CSMD1: variants seen among roughly 807,000 people sequenced by gnomAD.
CSMD1 encodes CUB and sushi domain-containing protein 1.
CSMD1 carries 213 observed loss-of-function variants against 417.5 expected under a neutral mutation model. The ratio of observed to expected loss-of-function variants is 0.51; its 90% CI spans 0.46 to 0.57. The LOEUF (loss-of-function observed/expected upper bound fraction) is 0.57. CSMD1 is among the 20% of genes least tolerant of loss of function. CSMD1 has a pLI of 0.00. For missense variants in CSMD1, 6,923 were observed against 4,529.7 expected (o/e 1.53, Z -15.17); for synonymous variants, 2,862 against 1,736.8 (o/e 1.65, Z -16.11).
intron 3 of CSMD1, among the ~76,000 whole-genome samples, chr8:4,301,000 G>C (rs543289305): frequency 6.6e-6 from 1 of 152,138 alleles, no homozygotes; most frequent in Non-Finnish European, 1.5e-5. Flanking sequence ...ACATAAGTGT[G>C]CATGTGTCTT....
chr8:4,075,460 C>G (rs1409792415), intron 3 of CSMD1, among the ~76,000 whole-genome samples: 1 of 151,906 alleles, frequency 6.6e-6, no homozygotes, highest in Non-Finnish European at 1.5e-5. Flanking sequence ...TGTTTTCTGT[C>G]CAAATCTCTT....
intron 12 of CSMD1, among the ~76,000 whole-genome samples, chr8:3,440,800 A>C (rs538872762): frequency 2.6e-5 from 4 of 152,204 alleles, no homozygotes; most frequent in Non-Finnish European, 4.4e-5. Context: ...TTGTTTTGTA[A>C]GTGCTCTTTA....
intron 23 of CSMD1, among the ~76,000 whole-genome samples, chr8:3,320,845 T>C (rs1019014836): frequency 6.6e-6 from 1 of 152,194 alleles, no homozygotes; most frequent in Non-Finnish European, 1.5e-5. Flanking sequence ...ATCCTGCCTA[T>C]GGGGATACAA....
chr8:4,085,617 C>A (rs2552152), intron 3 of CSMD1, among the ~76,000 whole-genome samples: 17,527 of 152,084 alleles, frequency 0.12, 1,122 homozygotes, highest in African/African-American at 0.14. Context: ...GGGAACCTCA[C>A]GGGAACTGTG....
chr8:3,060,565 G>A (rs74320020), intron 49 of CSMD1, among the ~76,000 whole-genome samples: 10 of 152,182 alleles, frequency 6.6e-5, no homozygotes, highest in African/African-American at 1.9e-4. Context: ...TCACAGGCAT[G>A]ATTGTTGTAA....
At chr8:3,025,191 G>C (rs1041628838) in intron 51 of CSMD1, among the ~76,000 whole-genome samples, 7 of 149,720 alleles carry the variant, frequency 4.7e-5, no homozygotes, top group Non-Finnish European at 8.9e-5. Flanking sequence ...ACCGTGTATT[G>C]TGTGGTGTTA....
intron 2 of CSMD1, among the ~76,000 whole-genome samples, chr8:4,441,373 A>C (rs76937028): frequency 5.3e-5 from 8 of 149,654 alleles, no homozygotes; most frequent in Non-Finnish European, 8.9e-5. Flanking sequence ...TGAGCCTCCT[A>C]AAGTGCTGTA....
At chr8:4,119,235 T>G (rs1802339799) in intron 3 of CSMD1, among the ~76,000 whole-genome samples, 2 of 152,052 alleles carry the variant, frequency 1.3e-5, no homozygotes, top group Admixed American at 6.6e-5. Flanking sequence ...TCTGCACATG[T>G]GTCCTAGAAC....
intron 1 of CSMD1, among the ~76,000 whole-genome samples, chr8:4,933,705 G>A (rs774532322): frequency 2.0e-5 from 3 of 152,178 alleles, no homozygotes; most frequent in Non-Finnish European, 4.4e-5. Flanking sequence ...ATGGATGGAA[G>A]AATGGATGAA....
intron 23 of CSMD1, among the ~76,000 whole-genome samples, chr8:3,341,616 G>A (rs571849771): frequency 8.7e-4 from 133 of 152,292 alleles, no homozygotes; most frequent in African/African-American, 3.1e-3. Context: ...GGTCCCAGGA[G>A]AGAGGGAGGA....
chr8:3,887,755 A>ATATC (rs1427494954), intron 5 of CSMD1, among the ~76,000 whole-genome samples: 1 of 152,218 alleles, frequency 6.6e-6, no homozygotes, highest in Admixed American at 6.5e-5. Flanking sequence ...GATTACTGTA[A>ATATC]TATCTCCCTA....
At chr8:3,653,124 G>A (rs113317125) in intron 7 of CSMD1, among the ~76,000 whole-genome samples, 1,916 of 151,938 alleles carry the variant, frequency 0.013, 27 homozygotes, top group African/African-American at 0.034. Context: ...TTTATTAATT[G>A]AAAGCCCTAT....
At chr8:3,326,192 A>G (rs1288443014) in intron 23 of CSMD1, among the ~76,000 whole-genome samples, 1 of 152,218 alleles carries the variant, frequency 6.6e-6, no homozygotes, top group Non-Finnish European at 1.5e-5. Context: ...TCGCGATGAT[A>G]TACATGTTGG....
At chr8:2,991,284 G>A (rs1402541539) in intron 54 of CSMD1, among the ~76,000 whole-genome samples, 3 of 152,084 alleles carry the variant, frequency 2.0e-5, no homozygotes, top group Non-Finnish European at 2.9e-5. Flanking sequence ...AGAGCTTTTA[G>A]GTTATATACA....
intron 3 of CSMD1, among the ~76,000 whole-genome samples, chr8:4,344,485 C>G (rs1160525857): frequency 2.6e-5 from 4 of 151,684 alleles, no homozygotes; most frequent in African/African-American, 9.7e-5. Context: ...CTCTATCTCT[C>G]AATCTATTTT....
At chr8:4,469,292 G>C (rs964910167) in intron 2 of CSMD1, among the ~76,000 whole-genome samples, 1 of 152,190 alleles carries the variant, frequency 6.6e-6, no homozygotes, top group African/African-American at 2.4e-5. Flanking sequence ...GTCATAGTCA[G>C]TGGGACTTTC....
At chr8:3,751,718 A>G (rs1476848262) in intron 6 of CSMD1, among the ~76,000 whole-genome samples, 3 of 152,030 alleles carry the variant, frequency 2.0e-5, no homozygotes, top group Admixed American at 6.6e-5. Context: ...TCTTATATCT[A>G]CCATCTTGGA....
intron 37 of CSMD1, among the ~76,000 whole-genome samples, chr8:3,166,062 TATG>T (rs1820190655): frequency 6.6e-6 from 1 of 151,992 alleles, no homozygotes; most frequent in Non-Finnish European, 1.5e-5. Flanking sequence ...GTGAAACAAA[TATG>T]ATATGATAGG....
chr8:4,839,243 T>C (rs531592148), intron 1 of CSMD1, among the ~76,000 whole-genome samples: 63 of 152,330 alleles, frequency 4.1e-4, no homozygotes, highest in African/African-American at 1.5e-3. Flanking sequence ...TAAAACCACC[T>C]AACTTCAGTC....
Sources: allele counts gnomAD v4.1 joint callset (sites outside exome capture counted in the v4.1 genomes callset), GRCh38; gene constraint gnomAD v4.1.1; transcripts MANE v1.5; gene names NCBI Gene and HGNC (gene_info 2026-07-23, HGNC 2026-07-21).